The following PGBD5 variants were observed in gnomAD, a reference collection of about 807,000 sequenced individuals.
The protein encoded by PGBD5 is piggyBac transposable element derived 5.
A neutral mutation model predicts 47.9 loss-of-function variants in PGBD5; 14 were observed. The observed-to-expected ratio is 0.29, with a 90% CI of 0.19 to 0.46. The LOEUF (loss-of-function observed/expected upper bound fraction) is 0.46, where lower values mean the gene tolerates loss of function less well. Ranked by LOEUF, PGBD5 falls within the 20% of genes least tolerant of loss-of-function variation. The probability of loss-of-function intolerance (pLI) is 1.00; values close to 1 mark genes in which losing one functional copy is unlikely to be tolerated. For missense variants in PGBD5, 635 were observed against 716.0 expected, an observed-to-expected ratio of 0.89 and a Z score of 1.29; for synonymous variants, 316 against 306.3, an observed-to-expected ratio of 1.03 and a Z score of -0.33.
chr1:230,331,300 A>C (rs756261163), intron 5 of PGBD5, among the ~76,000 whole-genome samples: 2 of 152,024 alleles, frequency 1.3e-5, no homozygotes, highest in Non-Finnish European at 2.9e-5. Context: ...CCTGTAGTCC[A>C]AGCTACTTGG....
intron 5 of PGBD5, among the ~76,000 whole-genome samples, chr1:230,332,575 G>C (rs963863254): frequency 1.3e-5 from 2 of 152,290 alleles, no homozygotes; most frequent in South Asian, 4.1e-4. Flanking sequence ...ATACCCCGTG[G>C]TGGCTTGAGC....
Position 230,316,658 on chromosome 1 carries a change from A to G in PGBD5, c.*6767T>C, listed in dbSNP as rs1666954919. On this transcript the variant is annotated 3_prime_UTR_variant, in exon 7 of 7. Coordinates refer to ENST00000391860, the MANE Select transcript of PGBD5 (RefSeq NM_001258311.2). ...AAATTTGGCTGTTTCTTAGTGGAGA[A>G]AGGTGGGACATGAGAATTGGGCTGG... 1 of 152,162 alleles carries G rather than the reference A, an allele frequency of 6.6e-6. No individual in the cohort carries two copies. Among genetic ancestry groups the G allele is most frequent in the Admixed American group, 6.5e-5 (1 of 15,278 alleles). 9.4% of individuals were successfully genotyped at this position (152,162 alleles called of 1,614,324 possible).
rs3045440 is a variant in PGBD5, at chr1:230,314,581, CTTTTTTTTTTTT to C, written c.*8832_*8843del. The stretch of plus-strand genomic sequence containing the variant: ...ACATGACAAAATGCTTGAATTAAAT[CTTTTTTTTTTTT>C]TTTTTTTTTTTTGCCACATTTCACA... On this transcript the variant is annotated 3_prime_UTR_variant, in exon 7 of 7. Coordinates refer to ENST00000391860, the MANE Select transcript of PGBD5 (RefSeq NM_001258311.2). The C allele has an allele frequency of 1.6e-4, 14 of 88,356 alleles. No homozygotes were observed. Among genetic ancestry groups the C allele is most frequent in the South Asian group, 9.3e-4 (2 of 2,146 alleles). 5.5% of individuals were successfully genotyped at this position (88,356 alleles called of 1,614,324 possible). A position where few individuals can be genotyped will look rare whatever the true frequency, so the allele number is the denominator to read the frequency against.
At chr1:230,412,387 C>CTT (rs34303231) in intron 1 of PGBD5, among the ~76,000 whole-genome samples, 3,649 of 127,588 alleles carry the variant, frequency 0.029, 77 homozygotes, top group South Asian at 0.068. Context: ...ATCCTAAAGT[C>CTT]TTTTTTTTTT....
chr1:230,367,084 C>T (rs895244097), intron 1 of PGBD5, among the ~76,000 whole-genome samples: 4 of 151,974 alleles, frequency 2.6e-5, no homozygotes, highest in African/African-American at 7.2e-5. Context: ...AGGTAACTTG[C>T]TAATTTCTTC....
At chr1:230,383,939 T>C (rs561013405) in intron 1 of PGBD5, among the ~76,000 whole-genome samples, 1 of 152,298 alleles carries the variant, frequency 6.6e-6, no homozygotes, top group Non-Finnish European at 1.5e-5. Context: ...GTGAAGGCAG[T>C]AGATCAGGCT....
chr1:230,410,678 T>C (rs910362665), intron 1 of PGBD5, among the ~76,000 whole-genome samples: 7 of 152,138 alleles, frequency 4.6e-5, no homozygotes, highest in African/African-American at 1.4e-4. Context: ...GAAGATTTAC[T>C]CTGAGGAGAC....
intron 1 of PGBD5, among the ~76,000 whole-genome samples, chr1:230,394,975 A>C (rs1230605903): frequency 4.5e-5 from 4 of 89,598 alleles, no homozygotes; most frequent in African/African-American, 9.3e-5. Flanking sequence ...TCTCGTTCCC[A>C]CCTTCCTCCC....
Position 230,387,805 on chromosome 1 carries a change from C to T in PGBD5, c.332-30484G>A, listed in dbSNP as rs191517482. ...GAATGTTCCCACACGCTCCTAGGCTCGGGCCTGCAATTGCATTCCAAAAGG... is the reference window on the plus strand; with the variant it reads ...GAATGTTCCCACACGCTCCTAGGCTTGGGCCTGCAATTGCATTCCAAAAGG... On this transcript the variant is annotated intron_variant, in intron 1 of 6. Transcript: ENST00000391860. Among the ~76,000 whole-genome samples, 13 of 152,270 alleles carry T rather than the reference C, an allele frequency of 8.5e-5. No homozygotes were observed. In the East Asian group the frequency reaches 1.7e-3, roughly 20 times the overall value.
chr1:230,404,620 A>AT (rs1657250457), intron 1 of PGBD5, among the ~76,000 whole-genome samples: 2 of 135,258 alleles, frequency 1.5e-5, no homozygotes, highest in African/African-American at 5.5e-5. Context: ...TCAAAAAAAA[A>AT]AAAAAAAAAA....
intron 1 of PGBD5, among the ~76,000 whole-genome samples, chr1:230,393,720 G>A (rs549064081): frequency 1.3e-4 from 19 of 151,892 alleles, no homozygotes; most frequent in African/African-American, 4.6e-4. Context: ...AGCTACTCGG[G>A]AGGCTGAGGC....
Position 230,315,949 on chromosome 1 carries a change from C to A in PGBD5, c.*7476G>T, listed in dbSNP as rs1448777422. 26 of 106,452 alleles carry A rather than the reference C, an allele frequency of 2.4e-4. 1 individual carries two copies. Among genetic ancestry groups the A allele is most frequent in the Admixed American group, 5.0e-4 (5 of 10,008 alleles). 6.6% of individuals were successfully genotyped at this position (106,452 alleles called of 1,614,324 possible). A position where few individuals can be genotyped will look rare whatever the true frequency, so the allele number is the denominator to read the frequency against. On this transcript the variant is annotated 3_prime_UTR_variant, in exon 7 of 7. Transcript: ENST00000391860. ...GTGTACACATATATGTATGTGTATA[C>A]ATACATAAGTATATGTGTACACATA...
At chr1:230,411,155 C>T (rs752375696) in intron 1 of PGBD5, among the ~76,000 whole-genome samples, 10 of 152,056 alleles carry the variant, frequency 6.6e-5, no homozygotes, top group African/African-American at 1.9e-4. Flanking sequence ...TGGTGGCACA[C>T]GCCTGTAGTC....
chr1:230,349,530 G>A (rs940614696), intron 3 of PGBD5, among the ~76,000 whole-genome samples: 9 of 58,154 alleles, frequency 1.5e-4, no homozygotes, highest in Admixed American at 6.4e-4. Flanking sequence ...GTCAGACCCC[G>A]TCTCAAAAAA....
chr1:230,386,942 C>T (rs1656656293), intron 1 of PGBD5, among the ~76,000 whole-genome samples: 1 of 152,144 alleles, frequency 6.6e-6, no homozygotes, highest in African/African-American at 2.4e-5. Flanking sequence ...TAAATAGCAT[C>T]GCTTGTGGAA....
In PGBD5 at chr1:230,337,200, C is replaced by T. The variant is rs1195683131; in HGVS notation, c.983G>A (p.Ser328Asn). 5 of 1,614,100 alleles carry T rather than the reference C, an allele frequency of 3.1e-6. No homozygotes were observed. The highest frequency in any genetic ancestry group is 3.3e-5 in the Admixed American group (2 of 60,010). The stretch of plus-strand genomic sequence containing the variant: ...CTTGCCTGCCGCGTTCCGGCACAGG[C>T]TCCTGGCCACCATGCTGTGGAGCTG... ...KPQLHSMVAR[S>N]LCRNAAGKNY... Residue 328 changes from serine to asparagine, a missense_variant, in exon 4 of 7, where the codon AGC becomes AAC. Coordinates refer to ENST00000391860, the MANE Select transcript of PGBD5 (RefSeq NM_001258311.2).
chr1:230,377,549 A>G, intron 1 of PGBD5: 1 of 1,611,206 alleles, frequency 6.2e-7, no homozygotes, highest in Non-Finnish European at 8.5e-7. Context: ...ATGCTGAGCA[A>G]CTGCAGCTCA....
rs367998194 is a variant in PGBD5 at position 230,356,952 on chromosome 1, G to A, written c.701C>T (p.Pro234Leu). ...QTTHGLYKVQ[P>L]FLDSLQNSFD... ...GCTGTTCTGCAGGGAGTCGAGGAAG[G>A]GCTGGACCTTGTAGAGCCCGTGCGT... The change falls in exon 2 of 7, where the codon CCC (proline) becomes CTC (leucine). Residue 234 changes from proline to leucine, a missense_variant. Coordinates refer to ENST00000391860, the MANE Select transcript of PGBD5 (RefSeq NM_001258311.2). The A allele has an allele frequency of 6.2e-7, 1 of 1,614,094 alleles. No homozygotes were observed. Among genetic ancestry groups the A allele is most frequent in the African/African-American group, 1.3e-5 (1 of 74,922 alleles).
intron 1 of PGBD5, among the ~76,000 whole-genome samples, chr1:230,397,648 T>C (rs1450226249): frequency 1.3e-5 from 2 of 152,136 alleles, no homozygotes; most frequent in East Asian, 3.9e-4. Flanking sequence ...TTTCCCCAAA[T>C]CTCCTCAAGG....
Sources: allele counts gnomAD v4.1 joint callset (sites outside exome capture counted in the v4.1 genomes callset), GRCh38; gene constraint gnomAD v4.1.1; transcripts MANE v1.5; gene names NCBI Gene and HGNC (gene_info 2026-07-23, HGNC 2026-07-21).